Variants in TET2 observed in about 807,000 individuals in gnomAD.
TET2 encodes tet methylcytosine dioxygenase 2.
Under a neutral mutation model 142.9 loss-of-function variants are expected in TET2, and 299 were observed. The ratio of observed to expected loss-of-function variants is 2.09; its 90% CI spans 1.90 to 2.30. The LOEUF is 2.30. TET2 is among the 30% of genes most tolerant of loss of function. TET2 has a pLI of 0.00. For missense variants in TET2, 2,418 were observed against 2,378.0 expected (o/e 1.02, Z -0.35); for synonymous variants, 819 against 849.0 (o/e 0.96, Z 0.61).
At chr4:105,147,950 A>G (rs922315020) in intron 1 of TET2, among the ~76,000 whole-genome samples, 11 of 152,290 alleles carry the variant, frequency 7.2e-5, no homozygotes, top group Admixed American at 5.2e-4. Flanking sequence ...GAGCAGATTT[A>G]TAACAGTCCC....
chr4:105,224,375 A>G (rs542371109), intron 2 of TET2, among the ~76,000 whole-genome samples: 1 of 152,294 alleles, frequency 6.6e-6, no homozygotes, highest in Admixed American at 6.5e-5. Flanking sequence ...TAAGTCATGC[A>G]TCATAGCATC....
chr4:105,276,838 T>TCCC lies in TET2; in HGVS notation c.*328_*330dup, dbSNP rs59576487. 1,351 of 154,926 alleles carry TCCC rather than the reference T, an allele frequency of 8.7e-3. 44 individuals carry two copies. Among genetic ancestry groups the TCCC allele is most frequent in the African/African-American group, 0.015 (380 of 24,994 alleles). The allele number at this position is 154,926 out of a possible 1,614,324, so 9.6% of individuals were successfully genotyped here. A position where few individuals can be genotyped will look rare whatever the true frequency, so the allele number is the denominator to read the frequency against. ...TGGACGAGATGATATGTAAATGTGATCCCCCCCCCCCGCTTACAACTCTAC... is the reference window on the plus strand; with the variant it reads ...TGGACGAGATGATATGTAAATGTGATCCCCCCCCCCCCCCGCTTACAACTCTAC... On this transcript the variant is annotated 3_prime_UTR_variant, in exon 11 of 11. Transcript: ENST00000380013.
intron 6 of TET2, among the ~76,000 whole-genome samples, chr4:105,247,809 C>T (rs1729659671): frequency 6.6e-6 from 1 of 150,574 alleles, no homozygotes; most frequent in East Asian, 2.0e-4. Flanking sequence ...GCAACCTCCA[C>T]CTCCCAGGTT....
At chr4:105,198,929 A>T (rs1726266179) in intron 2 of TET2, among the ~76,000 whole-genome samples, 1 of 152,218 alleles carries the variant, frequency 6.6e-6, no homozygotes, top group Admixed American at 6.5e-5. Context: ...CTTGCAGAAC[A>T]TTTGATACTT....
chr4:105,168,405 T>C (rs1050989181), intron 1 of TET2, among the ~76,000 whole-genome samples: 33 of 152,208 alleles, frequency 2.2e-4, no homozygotes, highest in African/African-American at 7.7e-4. Context: ...TCCAGGCCTT[T>C]GCACTTGCTG....
At chr4:105,225,224 G>C (rs937207370) in intron 2 of TET2, among the ~76,000 whole-genome samples, 2 of 138,612 alleles carry the variant, frequency 1.4e-5, no homozygotes, top group Non-Finnish European at 3.1e-5. Context: ...TGAATAATGA[G>C]CTATGTGTTA....
chr4:105,273,069 T>C (rs1015094569), intron 10 of TET2, among the ~76,000 whole-genome samples, 151 bp downstream of exon 10: 1 of 152,200 alleles, frequency 6.6e-6, no homozygotes, highest in Non-Finnish European at 1.5e-5. Context: ...TGTGCCATGG[T>C]GATTTGCTGC....
chr4:105,183,238 A>T (rs753971121), intron 1 of TET2, among the ~76,000 whole-genome samples: 4 of 152,086 alleles, frequency 2.6e-5, no homozygotes, highest in Non-Finnish European at 5.9e-5. Flanking sequence ...GTAATATTAA[A>T]TTACTAAATA....
chr4:105,167,833 G>A (rs944909346), intron 1 of TET2, among the ~76,000 whole-genome samples: 2 of 152,146 alleles, frequency 1.3e-5, no homozygotes, highest in African/African-American at 4.8e-5. Context: ...AAACTTAAAT[G>A]TCATCATTTC....
rs537949081 is a variant in TET2, at chr4:105,239,606, T to C, written c.3410-1733T>C. 8 of 239,870 alleles carry C rather than the reference T, an allele frequency of 3.3e-5. No individual in the cohort carries two copies. The East Asian group carries it at 4.5e-4, about 13-fold the overall frequency. The allele number at this position is 239,870 out of a possible 1,614,324, so 14.9% of individuals were successfully genotyped here. ...CAAGGCCTTGCTCTGGATTAAGCTT[T>C]GGCTTAAGGAATGTTGTGGCTGACG... On this transcript the variant is annotated intron_variant, in intron 3 of 10. Transcript: ENST00000380013.
rs576210766 is a variant in TET2 at position 105,161,809 on chromosome 4, G to A, written c.-193+14830G>A. On this transcript the variant is annotated intron_variant, in intron 1 of 10. Transcript: ENST00000380013. Reference sequence around the variant, plus strand: ...GCTGTCTTCATAAAGATGAGACTGAGTGACAGTTGTCTGTGTATTATAAAA... The same window carrying A: ...GCTGTCTTCATAAAGATGAGACTGAATGACAGTTGTCTGTGTATTATAAAA... 3.3e-5 allele frequency among the ~76,000 whole-genome samples: 5 copies of A among 152,306 alleles called. No homozygotes were observed. In the South Asian group the frequency reaches 1.0e-3, roughly 32 times the overall value.
intron 10 of TET2, among the ~76,000 whole-genome samples, chr4:105,273,440 A>C (rs888348578): frequency 6.6e-6 from 1 of 152,202 alleles, no homozygotes; most frequent in Admixed American, 6.5e-5. Context: ...TTAGTAGAGG[A>C]GCTAATAGTT....
chr4:105,264,118 G>C (rs2726460), intron 8 of TET2, among the ~76,000 whole-genome samples: 64,204 of 139,464 alleles, frequency 0.46, 14,456 homozygotes, highest in Non-Finnish European at 0.55. Flanking sequence ...TTTTTTTTTT[G>C]GTTCGAACAA....
In TET2 at chr4:105,173,370, A is replaced by G. The variant is rs538564531; in HGVS notation, c.-192-16990A>G. On this transcript the variant is annotated intron_variant, in intron 1 of 10. Transcript: ENST00000380013. ...CCGTCTCTACTAAAAATACAAAAAAAAAAAAAAACAAAACTAGCCCGGCAT... is the reference window on the plus strand; with the variant it reads ...CCGTCTCTACTAAAAATACAAAAAAGAAAAAAAACAAAACTAGCCCGGCAT... 5.0e-3 allele frequency among the ~76,000 whole-genome samples: 758 copies of G among 151,130 alleles called. 7 individuals carry two copies. Among genetic ancestry groups the G allele is most frequent in the African/African-American group, 0.017 (722 of 41,278 alleles).
At chr4:105,180,228 T>TC (rs1725035925) in intron 1 of TET2, among the ~76,000 whole-genome samples, 1 of 152,214 alleles carries the variant, frequency 6.6e-6, no homozygotes, top group African/African-American at 2.4e-5. Flanking sequence ...AAAGGACTTT[T>TC]CAGACAAGCT....
chr4:105,228,145 A>G (rs1728293729), intron 2 of TET2, among the ~76,000 whole-genome samples: 4 of 152,134 alleles, frequency 2.6e-5, no homozygotes, highest in Admixed American at 1.3e-4. Flanking sequence ...ATTCCAGGGT[A>G]TGTATATAAA....
chr4:105,185,659 A>G (rs1310697333), intron 1 of TET2, among the ~76,000 whole-genome samples: 1 of 152,120 alleles, frequency 6.6e-6, no homozygotes, highest in Non-Finnish European at 1.5e-5. Flanking sequence ...TGCGCCTGTA[A>G]TCCCAGCTAC....
At chr4:105,258,035 T>C (rs1466391342) in intron 6 of TET2, among the ~76,000 whole-genome samples, 1 of 152,190 alleles carries the variant, frequency 6.6e-6, no homozygotes, top group Non-Finnish European at 1.5e-5. Flanking sequence ...GCAGCCTGGC[T>C]GCTGCTTTTC....
chr4:105,155,967 G>A (rs1723546601), intron 1 of TET2, among the ~76,000 whole-genome samples: 2 of 152,182 alleles, frequency 1.3e-5, no homozygotes, highest in Non-Finnish European at 2.9e-5. Context: ...GTTATGGAAA[G>A]CAGTAAGATA....
Sources: gnomAD v4.1 joint callset for allele counts (sites outside exome capture counted in the v4.1 genomes callset) on GRCh38, gnomAD v4.1.1 for gene constraint, MANE v1.5 for transcripts, NCBI Gene and HGNC (gene_info 2026-07-23, HGNC 2026-07-21) for gene names.